Variants in SARDH observed in about 807,000 individuals in gnomAD.
SARDH encodes the protein sarcosine dehydrogenase, mitochondrial.
A neutral mutation model predicts 109.1 loss-of-function variants in SARDH; 95 were observed. The ratio of observed to expected loss-of-function variants is 0.87; its 90% CI spans 0.74 to 1.03. SARDH has a LOEUF of 1.03. SARDH is among the 50% of genes least tolerant of loss of function. SARDH has a pLI of 0.00. For missense variants in SARDH, 1,267 were observed against 1,287.8 expected (o/e 0.98, Z 0.25); for synonymous variants, 572 against 534.8 (o/e 1.07, Z -0.96).
chr9:133,672,619 G>A (rs372905590), intron 17 of SARDH, among the ~76,000 whole-genome samples: 3 of 152,234 alleles, frequency 2.0e-5, no homozygotes, highest in Non-Finnish European at 2.9e-5. Context: ...CCCGTTGTCC[G>A]AGGAGCCCGT....
chr9:133,737,430 C>T (rs1238296353), intron 1 of SARDH, among the ~76,000 whole-genome samples: 1 of 152,186 alleles, frequency 6.6e-6, no homozygotes, highest in Non-Finnish European at 1.5e-5. Context: ...TGTGTCTGTA[C>T]ATACCTTCAG....
At chr9:133,717,225 C>G in intron 8 of SARDH, 101 bp downstream of exon 8, 1 of 1,456,532 alleles carries the variant, frequency 6.9e-7, no homozygotes, top group Non-Finnish European at 9.4e-7. Context: ...AGCCCTGGGT[C>G]CCCTGTGTGA....
intron 10 of SARDH, among the ~76,000 whole-genome samples, chr9:133,710,363 C>T (rs965008536): frequency 1.3e-5 from 2 of 152,240 alleles, no homozygotes; most frequent in Admixed American, 1.3e-4. Context: ...ACGCGCAGGG[C>T]GGCTGCCATG....
intron 19 of SARDH, among the ~76,000 whole-genome samples, chr9:133,669,450 C>T (rs889201070): frequency 4.0e-5 from 6 of 150,644 alleles, no homozygotes; most frequent in Non-Finnish European, 5.9e-5. Flanking sequence ...AGCCCAAAGC[C>T]GCCCACTTCC....
Position 133,708,338 on chromosome 9 carries a change from G to A in SARDH, c.1419C>T (p.Pro473=), listed in dbSNP as rs77400867. The change falls in exon 11 of 21, where the codon CCC becomes CCT. Residue 473 remains proline, a synonymous_variant. Transcript: ENST00000439388. The stretch of plus-strand genomic sequence containing the variant: ...TGCGCCCGGCCAGCGGCTCATCGTG[G>A]GGGAAGACGACGGAGTAGTTCTTGG... ...SYAKNYSVVF[P]HDEPLAGRNM... is the part of the protein sequence containing the mutation. 3.6e-4 allele frequency: 575 copies of A among 1,613,372 alleles called. 5 individuals are homozygous for A. In the East Asian group the frequency reaches 0.011, roughly 31 times the overall value.
Position 133,719,000 on chromosome 9 carries a change from G to A in SARDH, c.958C>T (p.Arg320Cys), listed in dbSNP as rs748705250. 2.8e-5 allele frequency: 46 copies of A among 1,614,090 alleles called. No homozygotes were observed. Among genetic ancestry groups the A allele is most frequent in the Admixed American group, 1.5e-4 (9 of 60,002 alleles). Residue 320 changes from arginine to cysteine, a missense_variant, in exon 7 of 21, where the codon CGC becomes TGC. Transcript: ENST00000439388. This position sits in a 1 kb window ranked among gnomAD's most constrained non-coding sequence, Gnocchi z 4.2. ...ACAGACAAGGCATCCCCTTGGAGGC[G>A]GAGGTAGACAGAGGCATCATGATCA... ...VRDHDASVYLRLQGDALSVGG... is the reference protein window; with the variant it reads ...VRDHDASVYLCLQGDALSVGG...
At chr9:133,708,235 G>A in intron 11 of SARDH, 52 bp downstream of exon 11, 1 of 1,567,892 alleles carries the variant, frequency 6.4e-7, no homozygotes, top group Non-Finnish European at 8.7e-7. Context: ...CTGCCCTGAG[G>A]ACGTCCCAGA....
At position 133,666,565 on chromosome 9, in the gene SARDH, C is replaced by T. The variant is rs1022148297; in HGVS notation, c.2631+170G>A. On this transcript the variant is annotated intron_variant, in intron 20 of 20. Transcript: ENST00000439388. The surrounding 1 kb of genome is among the most constrained non-coding windows in gnomAD (Gnocchi z 5.2). The stretch of plus-strand genomic sequence containing the variant: ...TTCCTTCCCCCTCCTTCTCCTCCTT[C>T]CTTCCTCCCCCTCTTCCCTCCTCCC... 4.0e-5 allele frequency among the ~76,000 whole-genome samples: 6 copies of T among 149,672 alleles called. No individual in the cohort carries two copies. The highest frequency in any genetic ancestry group is 3.2e-3 in the Middle Eastern group (1 of 314).
chr9:133,677,055 G>C (rs1203920093), intron 17 of SARDH, among the ~76,000 whole-genome samples: 21 of 152,034 alleles, frequency 1.4e-4, no homozygotes, highest in Non-Finnish European at 2.6e-4. Context: ...AGGAGAATTG[G>C]TTGAACCTGA....
Position 133,671,589 on chromosome 9 carries a change from G to A in SARDH, c.2272C>T (p.His758Tyr), listed in dbSNP as rs1364373612. 3 of 1,607,296 alleles carry A rather than the reference G, an allele frequency of 1.9e-6. No homozygotes were observed. The highest frequency in any genetic ancestry group is 2.5e-6 in the Non-Finnish European group (3 of 1,177,666). Residue 758 changes from histidine to tyrosine, a missense_variant, in exon 18 of 21, where the codon CAC (histidine) becomes TAC (tyrosine). Physicochemically the swap from His to Tyr is moderately conservative, Grantham distance 83. Coordinates refer to ENST00000439388, the MANE Select transcript of SARDH (RefSeq NM_001134707.2). ...CGGTACCCTGCGTTGATGAGGCCGT[G>A]CTTGGCACCCGCGGCCATCACAGCC... ...YRAVMAAGAK[H>Y]GLINAGYRAI... is the part of the protein sequence containing the mutation.
At chr9:133,733,007 G>A (rs952224875) in intron 2 of SARDH, among the ~76,000 whole-genome samples, 3 of 152,180 alleles carry the variant, frequency 2.0e-5, no homozygotes, top group Non-Finnish European at 4.4e-5. Flanking sequence ...ACTACTGAAT[G>A]AAGCTTAAAT....
intron 19 of SARDH, among the ~76,000 whole-genome samples, chr9:133,667,349 A>G (rs1830112357): frequency 6.6e-6 from 1 of 151,956 alleles, no homozygotes; most frequent in African/African-American, 2.4e-5. Context: ...TATTTTTAAT[A>G]GAGATGGGGT....
intron 7 of SARDH, 50 bp from the exon 8 acceptor site, chr9:133,717,505 G>A (rs772855739): frequency 1.2e-6 from 2 of 1,606,322 alleles, no homozygotes; most frequent in East Asian, 2.2e-5. Flanking sequence ...AGAAGGCCAT[G>A]CATCCCCATG....
intron 20 of SARDH, 115 bp from the exon 21 acceptor site, chr9:133,664,129 T>C: frequency 7.2e-7 from 1 of 1,383,320 alleles, no homozygotes; most frequent in Non-Finnish European, 9.8e-7. Context: ...GTGGGCAAAC[T>C]CATCCCTGTG....
intron 19 of SARDH, among the ~76,000 whole-genome samples, chr9:133,668,347 C>CT (rs1488249839): frequency 3.3e-5 from 4 of 121,102 alleles, no homozygotes; most frequent in Non-Finnish European, 7.2e-5. Flanking sequence ...CTCATTCTCC[C>CT]TCACCCTCCC....
chr9:133,736,253 G>A (rs538543479), intron 1 of SARDH, among the ~76,000 whole-genome samples: 23 of 152,260 alleles, frequency 1.5e-4, no homozygotes, highest in Non-Finnish European at 2.4e-4. Flanking sequence ...GCAGCCCCCC[G>A]CCTGGAATCC....
At chr9:133,674,476 T>C (rs939715931) in intron 17 of SARDH, among the ~76,000 whole-genome samples, 4 of 152,244 alleles carry the variant, frequency 2.6e-5, no homozygotes, top group African/African-American at 9.6e-5. Flanking sequence ...GGAAGGGTCT[T>C]ATGTCAGGTT....
chr9:133,700,507 C>G (rs1031840270), intron 13 of SARDH, among the ~76,000 whole-genome samples: 1 of 152,008 alleles, frequency 6.6e-6, no homozygotes, highest in Admixed American at 6.5e-5. Flanking sequence ...GATATATCTA[C>G]AGAGAGAGAA....
In SARDH at chr9:133,732,584, G is replaced by T. The variant is rs1028521564; in HGVS notation, c.349C>A (p.Arg117=). 2 of 1,608,418 alleles carry T rather than the reference G, an allele frequency of 1.2e-6. No individual in the cohort carries two copies. Among genetic ancestry groups the T allele is most frequent in the Admixed American group, 1.7e-5 (1 of 59,702 alleles). Residue 117 remains arginine (R), a synonymous_variant, in exon 3 of 21, where the codon CGG becomes AGG. Transcript: ENST00000439388. ...AGCTCCACCTCCACGTCACTGGGCCGCAGCTGCCACAGCAGGCCTGCCCGG... is the reference window on the plus strand; with the variant it reads ...AGCTCCACCTCCACGTCACTGGGCCTCAGCTGCCACAGCAGGCCTGCCCGG... ...WHTAGLLWQL[R]PSDVEVELLA... is the part of the protein sequence containing the mutation.
Sources: gnomAD v4.1 joint callset for allele counts (sites outside exome capture counted in the v4.1 genomes callset) on GRCh38, gnomAD v4.1.1 for gene constraint, Gnocchi (gnomAD v3.1) non-coding constraint, MANE v1.5 for transcripts, NCBI Gene and HGNC (gene_info 2026-07-23, HGNC 2026-07-21) for gene names.